BAALC: variants seen among roughly 807,000 people sequenced by gnomAD.
BAALC encodes brain and acute leukemia cytoplasmic protein.
BAALC carries 9 observed loss-of-function variants against 15.5 expected under a neutral mutation model. The ratio of observed to expected loss-of-function variants is 0.58; its 90% CI spans 0.35 to 1.02. The LOEUF (loss-of-function observed/expected upper bound fraction) is 1.02, where lower values mean the gene tolerates loss of function less well. BAALC is among the 50% of genes least tolerant of loss of function. The pLI is 0.02. For synonymous variants in BAALC, 80 were observed against 74.6 expected, an observed-to-expected ratio of 1.07 and a Z score of -0.37; for missense variants, 201 against 192.4, an observed-to-expected ratio of 1.04 and a Z score of -0.27.
chr8:103,160,075 TA>T (rs1297164153), intron 1 of BAALC, among the ~76,000 whole-genome samples: 4 of 152,154 alleles, frequency 2.6e-5, no homozygotes, highest in Non-Finnish European at 5.9e-5. Context: ...AGTAAGAAAC[TA>T]AGGTTGCTTT....
At chr8:103,155,580 T>C (rs1246422920) in intron 1 of BAALC, among the ~76,000 whole-genome samples, 1 of 152,232 alleles carries the variant, frequency 6.6e-6, no homozygotes. Context: ...GAGCAGTGCC[T>C]GGAGAGGCAC....
intron 1 of BAALC, among the ~76,000 whole-genome samples, chr8:103,168,743 C>A (rs1317499804): frequency 1.3e-5 from 2 of 152,022 alleles, no homozygotes; most frequent in African/African-American, 4.8e-5. Context: ...ATTTCCTTAG[C>A]CTCTCTCCTG....
Position 103,230,106 on chromosome 8 carries a change from T to C in BAALC, c.*2007T>C, listed in dbSNP as rs1241211860. 2 of 152,204 alleles carry C rather than the reference T, an allele frequency of 1.3e-5. No homozygotes were observed. Among genetic ancestry groups the C allele is most frequent in the Non-Finnish European group, 2.9e-5 (2 of 68,034 alleles). The allele number at this position is 152,204 out of a possible 1,614,324, so 9.4% of individuals were successfully genotyped here. ...TTCTCACTTACAGGGGAGAAGGAAA[T>C]GCAGGGCACATGATCTGGCCCTCCC... On this transcript the variant is annotated 3_prime_UTR_variant, in exon 3 of 3. Transcript: ENST00000309982.
rs939368013 is a variant in BAALC, at chr8:103,196,635, A to T, written c.161-16284A>T. Among the ~76,000 whole-genome samples the T allele has an allele frequency of 2.8e-4, 42 of 152,172 alleles. 1 individual carries two copies. Among genetic ancestry groups the T allele is most frequent in the Non-Finnish European group, 2.9e-5 (2 of 68,036 alleles). On this transcript the variant is annotated intron_variant, in intron 1 of 2. Transcript: ENST00000309982. ...CTACCCATTGTAGAATGAAGTCCAC[A>T]GGCCGCCATCCCTTCTCATCTTAGT... is the stretch of plus-strand genomic sequence containing the variant.
intron 1 of BAALC, among the ~76,000 whole-genome samples, chr8:103,212,630 T>A (rs1314893353): frequency 3.9e-5 from 6 of 152,104 alleles, no homozygotes; most frequent in African/African-American, 1.4e-4. Context: ...ATTAGGTAAA[T>A]AAATGATGAC....
chr8:103,223,030 C>T (rs990116439), intron 2 of BAALC, among the ~76,000 whole-genome samples: 5 of 152,160 alleles, frequency 3.3e-5, no homozygotes, highest in East Asian at 1.9e-4. Flanking sequence ...TTTGGCGGGC[C>T]GGGCGTGGTG....
At chr8:103,149,229 C>T (rs1299614181) in intron 1 of BAALC, among the ~76,000 whole-genome samples, 2 of 152,150 alleles carry the variant, frequency 1.3e-5, no homozygotes, top group Non-Finnish European at 2.9e-5. Flanking sequence ...GCGTGGGAGC[C>T]TCCTGCTAGC....
chr8:103,215,161 C>A (rs889871089), intron 2 of BAALC, among the ~76,000 whole-genome samples: 2 of 152,202 alleles, frequency 1.3e-5, no homozygotes, highest in Admixed American at 6.5e-5. Context: ...CCTGCCCCCC[C>A]ATCCATCACT....
chr8:103,183,515 G>GGGA, intron 1 of BAALC: 1 of 696,712 alleles, frequency 1.4e-6, no homozygotes. Flanking sequence ...AGGTGGGTAT[G>GGGA]GGACAACTCT....
intron 1 of BAALC, among the ~76,000 whole-genome samples, chr8:103,185,027 G>A (rs999040168): frequency 1.3e-5 from 2 of 152,060 alleles, no homozygotes; most frequent in African/African-American, 2.4e-5. Context: ...TCTTGTCCCC[G>A]GCTTCACCAC....
chr8:103,163,055 C>T (rs115121007), intron 1 of BAALC, among the ~76,000 whole-genome samples: 212 of 152,222 alleles, frequency 1.4e-3, no homozygotes, highest in African/African-American at 4.7e-3. Flanking sequence ...GGAGAGTCAG[C>T]GCCCATGTCC....
chr8:103,204,133 GTA>G (rs1173147991), intron 1 of BAALC, among the ~76,000 whole-genome samples: 1 of 152,114 alleles, frequency 6.6e-6, no homozygotes, highest in Non-Finnish European at 1.5e-5. Context: ...GTGTGAAGTG[GTA>G]TATCCTTGTG....
chr8:103,224,624 T>C (rs1028296894), intron 2 of BAALC, among the ~76,000 whole-genome samples: 2 of 152,062 alleles, frequency 1.3e-5, no homozygotes, highest in Admixed American at 1.3e-4. Flanking sequence ...AAATGTTTCT[T>C]ATCTGACCTA....
chr8:103,144,566 T>C (rs568497843), intron 1 of BAALC, among the ~76,000 whole-genome samples: 1 of 152,340 alleles, frequency 6.6e-6, no homozygotes. Flanking sequence ...GAGGTTGCCA[T>C]GACCCAACCT....
rs1364211077 is a variant in BAALC at position 103,228,317 on chromosome 8, A to G, written c.*218A>G. 6.2e-6 allele frequency: 3 copies of G among 482,004 alleles called. No homozygotes were observed. The highest frequency in any genetic ancestry group is 6.8e-5 in the East Asian group (2 of 29,204). 29.9% of individuals were successfully genotyped at this position (482,004 alleles called of 1,614,324 possible). On this transcript the variant is annotated 3_prime_UTR_variant, in exon 3 of 3. Coordinates refer to ENST00000309982, the MANE Select transcript of BAALC (RefSeq NM_024812.3). ...GTAAATGTATTGGCACAGTGCTTAC[A>G]TATGTTAATAAACTGCAAATGTGCA... is the stretch of plus-strand genomic sequence containing the variant.
intron 1 of BAALC, among the ~76,000 whole-genome samples, chr8:103,175,868 T>C (rs1397890757): frequency 2.6e-5 from 4 of 152,210 alleles, no homozygotes; most frequent in Non-Finnish European, 5.9e-5. Context: ...CTGCTTTACA[T>C]AGTATCCTCT....
intron 1 of BAALC, among the ~76,000 whole-genome samples, chr8:103,204,208 C>T (rs1812281666): frequency 1.3e-5 from 2 of 152,012 alleles, no homozygotes; most frequent in African/African-American, 4.8e-5. Flanking sequence ...TGTTTATTGG[C>T]CATTTGCATA....
intron 1 of BAALC, among the ~76,000 whole-genome samples, chr8:103,176,688 G>A (rs1811614163): frequency 6.6e-6 from 1 of 152,172 alleles, no homozygotes; most frequent in African/African-American, 2.4e-5. Flanking sequence ...TAGCTCCACA[G>A]AAGTTGAAAT....
chr8:103,185,527 C>T (rs1811815797), intron 1 of BAALC, among the ~76,000 whole-genome samples: 1 of 152,152 alleles, frequency 6.6e-6, no homozygotes, highest in African/African-American at 2.4e-5. Flanking sequence ...AACATCATTC[C>T]CTATTTCTAT....
Sources: gnomAD v4.1 joint callset for allele counts (sites outside exome capture counted in the v4.1 genomes callset) on GRCh38, gnomAD v4.1.1 for gene constraint, MANE v1.5 for transcripts, NCBI Gene and HGNC (gene_info 2026-07-23, HGNC 2026-07-21) for gene names.